Variants in PGM1 observed in about 807,000 individuals in gnomAD.
PGM1 encodes phosphoglucomutase-1.
In PGM1, 52 loss-of-function variants were observed where a neutral mutation model predicts 55.6. The observed-to-expected ratio is 0.94, with a 90% CI of 0.75 to 1.18. PGM1 has a LOEUF of 1.18. Ranked by LOEUF, PGM1 falls within the 50% of genes most tolerant of loss-of-function variation. The pLI, the probability that PGM1 is intolerant of heterozygous loss-of-function variation, is 0.00. For missense variants in PGM1, 724 were observed against 729.3 expected (o/e 0.99, Z 0.08); for synonymous variants, 287 against 271.7 (o/e 1.06, Z -0.55).
intron 5 of PGM1, 56 bp downstream of exon 5, chr1:63,635,075 A>G: frequency 6.7e-7 from 1 of 1,486,076 alleles, no homozygotes; most frequent in Non-Finnish European, 9.4e-7. Flanking sequence ...GATCCTGCAG[A>G]TGGGGAAAAA....
chr1:63,627,066 C>A (rs899303883), intron 1 of PGM1, among the ~76,000 whole-genome samples: 13 of 75,760 alleles, frequency 1.7e-4, no homozygotes, highest in South Asian at 1.0e-3. Flanking sequence ...CCCCCCCCCC[C>A]ACACACACAC....
intron 10 of PGM1, among the ~76,000 whole-genome samples, chr1:63,659,382 A>T (rs568870597): frequency 6.6e-6 from 1 of 152,212 alleles, no homozygotes; most frequent in Non-Finnish European, 1.5e-5. Context: ...TGTTCACTTT[A>T]CATGAAAGAC....
chr1:63,654,756 AAATT>A (rs920723420), intron 10 of PGM1, among the ~76,000 whole-genome samples: 23 of 152,116 alleles, frequency 1.5e-4, no homozygotes, highest in Middle Eastern at 3.4e-3. Context: ...CTTATATCAA[AAATT>A]AATTAATTAA....
intron 4 of PGM1, among the ~76,000 whole-genome samples, chr1:63,633,384 C>A (rs1279642968): frequency 6.6e-6 from 1 of 152,160 alleles, no homozygotes; most frequent in Non-Finnish European, 1.5e-5. Context: ...GGTCTTTTGG[C>A]TGTTCCTCTA....
At chr1:63,619,785 G>A (rs906285618) in intron 1 of PGM1, among the ~76,000 whole-genome samples, 4 of 152,124 alleles carry the variant, frequency 2.6e-5, no homozygotes, top group Admixed American at 1.3e-4. Context: ...AGGCCATCCC[G>A]CTATGATGGC....
chr1:63,595,098 A>G (rs939686309), intron 1 of PGM1, among the ~76,000 whole-genome samples: 1 of 152,158 alleles, frequency 6.6e-6, no homozygotes, highest in Non-Finnish European at 1.5e-5. Context: ...CTTATGCCCA[A>G]TTCTTCTGGA....
chr1:63,621,400 A>G (rs932883387), intron 1 of PGM1, among the ~76,000 whole-genome samples: 5 of 152,158 alleles, frequency 3.3e-5, no homozygotes, highest in Non-Finnish European at 5.9e-5. Flanking sequence ...TCTCATTAAG[A>G]AAACTACCAA....
intron 8 of PGM1, among the ~76,000 whole-genome samples, chr1:63,651,035 G>T (rs921049243): frequency 2.6e-5 from 4 of 151,922 alleles, no homozygotes; most frequent in Non-Finnish European, 5.9e-5. Flanking sequence ...TAACAAACCT[G>T]CACGTTCTGC....
chr1:63,606,670 T>G (rs941944959), intron 1 of PGM1, among the ~76,000 whole-genome samples: 1 of 152,206 alleles, frequency 6.6e-6, no homozygotes, highest in Non-Finnish European at 1.5e-5. Flanking sequence ...GAAATATCAG[T>G]CTTATTCTGG....
intron 1 of PGM1, 116 bp from the exon 2 acceptor site, chr1:63,629,309 C>T (rs1649124384): frequency 1.1e-6 from 1 of 875,304 alleles, no homozygotes; most frequent in African/African-American, 1.7e-5. Context: ...TTTTCTTGTC[C>T]AACAGATTAT....
intron 1 of PGM1, among the ~76,000 whole-genome samples, chr1:63,594,615 T>TTA (rs774514815): frequency 1.2e-4 from 17 of 144,124 alleles, no homozygotes; most frequent in African/African-American, 3.1e-4. Flanking sequence ...TAGGGGAAAT[T>TTA]AAAAAAAAAA....
At chr1:63,608,288 C>T (rs755473845) in intron 1 of PGM1, among the ~76,000 whole-genome samples, 1 of 152,198 alleles carries the variant, frequency 6.6e-6, no homozygotes, top group Non-Finnish European at 1.5e-5. Context: ...CCTGGGGATA[C>T]AGTTCTCTTC....
At chr1:63,598,816 CA>C (rs974616759) in intron 1 of PGM1, among the ~76,000 whole-genome samples, 5 of 152,132 alleles carry the variant, frequency 3.3e-5, no homozygotes, top group African/African-American at 9.7e-5. Flanking sequence ...ATGCCTGCAC[CA>C]AAATGGACCT....
chr1:63,634,983 A>G lies in PGM1; in HGVS notation c.837A>G (p.Gly279=), dbSNP rs564107490. 1.9e-6 allele frequency: 3 copies of G among 1,614,026 alleles called. No homozygotes were observed. In the Middle Eastern group the frequency reaches 5.0e-4, roughly 268 times the overall value. Residue 279 remains glycine (G), a synonymous_variant, in exon 5 of 11, where the codon GGA becomes GGG. Transcript: ENST00000371084. ...ACCTGGTGGAGACCATGAAGTCAGG[A>G]GAGCATGATTTTGGGGCTGCCTTTG... ...AADLVETMKS[G]EHDFGAAFDG...
At position 63,623,858 on chromosome 1, in the gene PGM1, C is replaced by T. The variant is rs986255136; in HGVS notation, c.247-5567C>T. 1.2e-5 allele frequency: 9 copies of T among 749,120 alleles called. No homozygotes were observed. The Admixed American group carries it at 2.3e-4, about 19-fold the overall frequency. The allele number at this position is 749,120 out of a possible 1,614,324, so 46.4% of individuals were successfully genotyped here. On this transcript the variant is annotated intron_variant, in intron 1 of 10. Coordinates refer to ENST00000371084, the MANE Select transcript of PGM1 (RefSeq NM_002633.3). Reference sequence around the variant, plus strand: ...TACAAGGATTTATATGTGGTATACACTTCAATTCTACTAACATCCAGCTAA... The same window carrying T: ...TACAAGGATTTATATGTGGTATACATTTCAATTCTACTAACATCCAGCTAA...
At chr1:63,656,761 A>G (rs1649980208) in intron 10 of PGM1, among the ~76,000 whole-genome samples, 1 of 152,222 alleles carries the variant, frequency 6.6e-6, no homozygotes, top group Non-Finnish European at 1.5e-5. Flanking sequence ...TTTCACTTGT[A>G]TGTGGGATCT....
intron 7 of PGM1, among the ~76,000 whole-genome samples, chr1:63,644,598 C>T (rs1649603465): frequency 1.3e-5 from 2 of 151,996 alleles, no homozygotes; most frequent in Non-Finnish European, 2.9e-5. Flanking sequence ...CCATAAAAGC[C>T]TTTTATTTTT....
At chr1:63,648,427 G>A in intron 7 of PGM1, 90 bp from the exon 8 acceptor site, 1 of 1,425,004 alleles carries the variant, frequency 7.0e-7, no homozygotes. Flanking sequence ...TGAGATTTGG[G>A]TGGGGATGCA....
At chr1:63,658,501 C>G (rs1002311725) in intron 10 of PGM1, among the ~76,000 whole-genome samples, 4 of 151,662 alleles carry the variant, frequency 2.6e-5, no homozygotes, top group Admixed American at 6.6e-5. Context: ...GCCTGTAATC[C>G]CAACACTTTG....
Sources: gnomAD v4.1 joint callset for allele counts (sites outside exome capture counted in the v4.1 genomes callset) on GRCh38, gnomAD v4.1.1 for gene constraint, MANE v1.5 for transcripts, NCBI Gene and HGNC (gene_info 2026-07-23, HGNC 2026-07-21) for gene names.